DPYSL5: variants seen among roughly 807,000 people sequenced by gnomAD.
DPYSL5 encodes dihydropyrimidinase like 5, also known as dihydropyrimidinase-related protein 5.
In DPYSL5, 9 loss-of-function variants were observed where a neutral mutation model predicts 58.4. The observed-to-expected ratio is 0.15, with a 90% CI of 0.09 to 0.27. The LOEUF is 0.27. Ranked by LOEUF, DPYSL5 falls within the 10% of genes least tolerant of loss-of-function variation. The pLI, the probability that DPYSL5 is intolerant of heterozygous loss-of-function variation, is 1.00. For missense variants in DPYSL5, 499 were observed against 770.6 expected, an observed-to-expected ratio of 0.65 and a Z score of 4.17; for synonymous variants, 293 against 301.9, an observed-to-expected ratio of 0.97 and a Z score of 0.31.
intron 2 of DPYSL5, among the ~76,000 whole-genome samples, chr2:26,920,396 A>G (rs578038555): frequency 2.0e-5 from 3 of 152,242 alleles, no homozygotes; most frequent in Non-Finnish European, 4.4e-5. Context: ...TGAAGTGTAC[A>G]TTATAAAACT....
chr2:26,944,573 C>T lies in DPYSL5; in HGVS notation c.1441-83C>T, dbSNP rs765107760. 1.5e-5 allele frequency: 22 copies of T among 1,454,718 alleles called. No homozygotes were observed. The highest frequency in any genetic ancestry group is 5.6e-5 in the African/African-American group (4 of 71,456). The allele number at this position is 1,454,718 out of a possible 1,614,324, so 90.1% of individuals were successfully genotyped here. A position where few individuals can be genotyped will look rare whatever the true frequency, so the allele number is the denominator to read the frequency against. ...AGAGTGGCAGTGTCTAATGTCCCAC[C>T]GGCCCCCAGGGAGGCCATGGTTGTA... On this transcript the variant is annotated intron_variant, in intron 11 of 12. Coordinates refer to ENST00000288699, the MANE Select transcript of DPYSL5 (RefSeq NM_020134.4). This position sits in a 1 kb window ranked among gnomAD's most constrained non-coding sequence, Gnocchi z 4.4.
At chr2:26,864,755 G>C (rs1047728315) in intron 1 of DPYSL5, among the ~76,000 whole-genome samples, 2 of 152,208 alleles carry the variant, frequency 1.3e-5, no homozygotes, top group Non-Finnish European at 2.9e-5. Context: ...GACCTACTTG[G>C]CTGGCCTGTG....
chr2:26,859,844 A>G (rs536690245), intron 1 of DPYSL5, among the ~76,000 whole-genome samples: 2 of 152,302 alleles, frequency 1.3e-5, no homozygotes, highest in Admixed American at 6.5e-5. Flanking sequence ...AGAGAGGTTT[A>G]CTGTCTGATA....
chr2:26,926,188 C>T (rs551006399), intron 3 of DPYSL5, among the ~76,000 whole-genome samples: 1 of 152,348 alleles, frequency 6.6e-6, no homozygotes, highest in Non-Finnish European at 1.5e-5. Flanking sequence ...GCTGGGGGCT[C>T]ACCCGGTTTC....
At chr2:26,907,653 G>C (rs552302844) in intron 2 of DPYSL5, among the ~76,000 whole-genome samples, 2 of 152,214 alleles carry the variant, frequency 1.3e-5, no homozygotes, top group South Asian at 4.1e-4. Flanking sequence ...GACACCCCAT[G>C]CTGCCTGTTG....
intron 1 of DPYSL5, among the ~76,000 whole-genome samples, chr2:26,873,643 CCAGGCTTGT>C (rs1163066726): frequency 1.3e-5 from 2 of 152,186 alleles, no homozygotes; most frequent in African/African-American, 4.8e-5. Flanking sequence ...CAGGCGAAAT[CCAGGCTTGT>C]CACCTGTTTC....
At chr2:26,891,191 G>C (rs1012140557) in intron 1 of DPYSL5, among the ~76,000 whole-genome samples, 1 of 152,174 alleles carries the variant, frequency 6.6e-6, no homozygotes, top group Non-Finnish European at 1.5e-5. Flanking sequence ...CCTATCTCCA[G>C]GCATTGTAAG....
At chr2:26,945,279 C>T (rs1474219784) in intron 12 of DPYSL5, among the ~76,000 whole-genome samples, 1 of 150,974 alleles carries the variant, frequency 6.6e-6, no homozygotes, top group Non-Finnish European at 1.5e-5. Flanking sequence ...CACACCTTTC[C>T]CCGCCTTTGC....
chr2:26,932,137 G>GAGAAAGAA lies in DPYSL5; in HGVS notation c.714+519_714+526dup, dbSNP rs531719106. On this transcript the variant is annotated intron_variant, in intron 6 of 12. Transcript: ENST00000288699. ...GAAAAAAGAAAGAGAAAGAAAGAAA[G>GAGAAAGAA]AGAAAGAAAGAAAGAAAGAAAGAAA... 4.3e-3 allele frequency among the ~76,000 whole-genome samples: 259 copies of GAGAAAGAA among 59,668 alleles called. 15 individuals carry two copies. Among genetic ancestry groups the GAGAAAGAA allele is most frequent in the African/African-American group, 9.0e-3 (124 of 13,772 alleles). The allele number at this position is 59,668 out of a possible 152,430, so 39.1% of individuals were successfully genotyped here. A position where few individuals can be genotyped will look rare whatever the true frequency, so the allele number is the denominator to read the frequency against.
In DPYSL5 at chr2:26,934,730, G is replaced by A. The variant is rs1299532854; in HGVS notation, c.943G>A (p.Ala315Thr). 1 of 1,614,070 alleles carries A rather than the reference G, an allele frequency of 6.2e-7. No individual in the cohort carries two copies. Among genetic ancestry groups the A allele is most frequent in the Non-Finnish European group, 8.5e-7 (1 of 1,179,994 alleles). ...CTCAACCTACCTCATGAGCCTGCTG[G>A]CCAAGTAAGGCGTTTCAGCAGCACA... ...NTSTYLMSLL[A>T]NDTLNIVASD... is the part of the protein sequence containing the mutation. The change falls in exon 8 of 13, where the codon GCC (alanine) becomes ACC (threonine). Residue 315 changes from alanine to threonine, a missense_variant. By Grantham distance (58) the Ala-to-Thr change is moderately conservative. Coordinates refer to ENST00000288699, the MANE Select transcript of DPYSL5 (RefSeq NM_020134.4). This position sits in a 1 kb window ranked among gnomAD's most constrained non-coding sequence, Gnocchi z 4.3.
At chr2:26,918,491 T>A (rs10196691) in intron 2 of DPYSL5, among the ~76,000 whole-genome samples, 54,776 of 151,432 alleles carry the variant, frequency 0.36, 10,378 homozygotes, top group Admixed American at 0.53. Context: ...TTTCCTCTGG[T>A]ACTTCGGGAG....
At chr2:26,866,982 C>T (rs1455942120) in intron 1 of DPYSL5, among the ~76,000 whole-genome samples, 28 of 152,024 alleles carry the variant, frequency 1.8e-4, no homozygotes, top group Non-Finnish European at 2.9e-5. Context: ...GATTCGCATG[C>T]CTCGGCCTCC....
chr2:26,931,703 A>G lies in DPYSL5; in HGVS notation c.714+19A>G. ...AAACAGGGTAAGTCCCCCGATGTCC[A>G]CTGTGGGATTAGAAACCAACCTTGG... On this transcript the variant is annotated intron_variant, in intron 6 of 12. Transcript: ENST00000288699. 6.2e-7 allele frequency: 1 copy of G among 1,613,642 alleles called. No homozygotes were observed. The highest frequency in any genetic ancestry group is 8.5e-7 in the Non-Finnish European group (1 of 1,179,792).
intron 1 of DPYSL5, among the ~76,000 whole-genome samples, chr2:26,861,378 T>C (rs1450830545): frequency 1.3e-5 from 2 of 152,162 alleles, no homozygotes; most frequent in African/African-American, 2.4e-5. Context: ...AGGTTCACAA[T>C]GTGTGTGATG....
intron 1 of DPYSL5, among the ~76,000 whole-genome samples, chr2:26,876,554 C>T (rs1663413919): frequency 6.6e-6 from 1 of 152,166 alleles, no homozygotes; most frequent in South Asian, 2.1e-4. Context: ...TTTTGCTCGT[C>T]ACCCAGGCTG....
At chr2:26,881,166 C>T (rs917164239) in intron 1 of DPYSL5, among the ~76,000 whole-genome samples, 3 of 152,120 alleles carry the variant, frequency 2.0e-5, no homozygotes, top group South Asian at 2.1e-4. Context: ...GCTCACCCTG[C>T]GGCCCACCCC....
intron 1 of DPYSL5, among the ~76,000 whole-genome samples, chr2:26,874,726 G>A (rs750522097): frequency 2.0e-5 from 3 of 152,216 alleles, no homozygotes; most frequent in East Asian, 3.8e-4. Context: ...GGAGACCTGC[G>A]TTCTGGGAGG....
At chr2:26,928,686 A>AGTGT (rs200560778) in intron 5 of DPYSL5, among the ~76,000 whole-genome samples, 57 of 24,958 alleles carry the variant, frequency 2.3e-3, no homozygotes, top group African/African-American at 4.5e-3. Context: ...AAGGTGATAG[A>AGTGT]GTATATATAT....
At position 26,899,682 on chromosome 2, in the gene DPYSL5, C is replaced by A. The variant is rs560017146; in HGVS notation, c.261+922C>A. On this transcript the variant is annotated intron_variant, in intron 2 of 12. Coordinates refer to ENST00000288699, the MANE Select transcript of DPYSL5 (RefSeq NM_020134.4). ...CCTTAAGGTCTCCTTGAGGACAGGC[C>A]CCCTTCCCAATCCAGGGGCTGCAGA... Among the ~76,000 whole-genome samples the A allele has an allele frequency of 2.0e-5, 3 of 152,232 alleles. No homozygotes were observed. The East Asian group carries it at 5.8e-4, about 29-fold the overall frequency.
Sources: allele counts gnomAD v4.1 joint callset (sites outside exome capture counted in the v4.1 genomes callset), GRCh38; gene constraint gnomAD v4.1.1; non-coding constraint Gnocchi (gnomAD v3.1); transcripts MANE v1.5; gene names NCBI Gene and HGNC (gene_info 2026-07-23, HGNC 2026-07-21).